P2RX3: variants seen among roughly 807,000 people sequenced by gnomAD.
P2RX3 encodes the protein P2X purinoceptor 3.
In P2RX3, 41 loss-of-function variants were observed where a neutral mutation model predicts 51.5. That is an observed-to-expected ratio of 0.80 (90% CI 0.62 to 1.03). The LOEUF (loss-of-function observed/expected upper bound fraction) is 1.03, where lower values mean the gene tolerates loss of function less well. P2RX3 is among the 50% of genes least tolerant of loss of function. The pLI, the probability that P2RX3 is intolerant of heterozygous loss-of-function variation, is 0.00. For synonymous variants in P2RX3, 185 were observed against 191.6 expected (o/e 0.97, Z 0.29); for missense variants, 459 against 522.1 (o/e 0.88, Z 1.18).
upstream of P2RX3, chr11:57,335,980 G>C (rs1856213076): frequency 6.6e-6 from 1 of 152,290 alleles, no homozygotes; most frequent in South Asian, 2.1e-4. This position sits in a 1 kb window ranked among gnomAD's most constrained non-coding sequence, Gnocchi z 4.6. Context: ...TGAGGGAAGG[G>C]TGGTTGCCGT....
At chr11:57,337,249 G>T (rs573541913), upstream of P2RX3, among the ~76,000 whole-genome samples, 2 of 138,400 alleles carry the variant, frequency 1.4e-5, no homozygotes, top group Non-Finnish European at 3.0e-5. Flanking sequence ...CTGAGATTGT[G>T]CCACTGCACT....
At chr11:57,360,110 T>A (rs1856691303) in intron 8 of P2RX3, among the ~76,000 whole-genome samples, 1 of 152,226 alleles carries the variant, frequency 6.6e-6, no homozygotes, top group East Asian at 1.9e-4. Context: ...TCAGCTGTTG[T>A]GAGGCCTAAA....
chr11:57,366,878 C>A (rs976669518), intron 8 of P2RX3, among the ~76,000 whole-genome samples: 1 of 152,096 alleles, frequency 6.6e-6, no homozygotes, highest in Non-Finnish European at 1.5e-5. Flanking sequence ...ATCCATTAAT[C>A]CATGAATGGA....
intron 8 of P2RX3, among the ~76,000 whole-genome samples, chr11:57,364,546 T>C (rs1856769375): frequency 6.6e-6 from 1 of 152,246 alleles, no homozygotes; most frequent in Admixed American, 6.5e-5. Flanking sequence ...AGTGATGGTC[T>C]ATAAGGACCT....
At position 57,371,928 on chromosome 11, in the gene P2RX3, G is replaced by T. The variant is rs1201632063; in HGVS notation, c.*1931G>T. The stretch of plus-strand genomic sequence containing the variant: ...CCTCCCTTTTACCCAGATGGAGGTG[G>T]TCCTCCTGTAGGTGCCTCCGCCCCT... On this transcript the variant is annotated 3_prime_UTR_variant, in exon 12 of 12. Transcript: ENST00000263314. Among the ~76,000 whole-genome samples, 4 of 151,988 alleles carry T rather than the reference G, an allele frequency of 2.6e-5. No individual in the cohort carries two copies. Among genetic ancestry groups the T allele is most frequent in the Admixed American group, 2.6e-4 (4 of 15,270 alleles).
At chr11:57,355,793 A>G (rs552060892) in intron 8 of P2RX3, among the ~76,000 whole-genome samples, 1 of 152,332 alleles carries the variant, frequency 6.6e-6, no homozygotes, top group Non-Finnish European at 1.5e-5. Flanking sequence ...GGACGGTTTA[A>G]TGAGTTTCTT....
chr11:57,364,170 C>T (rs1033059538), intron 8 of P2RX3, among the ~76,000 whole-genome samples: 8 of 152,180 alleles, frequency 5.3e-5, no homozygotes, highest in Non-Finnish European at 1.2e-4. Context: ...CTCTGTGATC[C>T]ACCCTCTCAC....
chr11:57,337,522 A>G (rs374007081), upstream of P2RX3, among the ~76,000 whole-genome samples: 20 of 152,270 alleles, frequency 1.3e-4, no homozygotes, highest in South Asian at 4.1e-4. Flanking sequence ...CTTTGCAGGG[A>G]CATGGATGAA....
chr11:57,336,284 T>A (rs1265159033), upstream of P2RX3, among the ~76,000 whole-genome samples: 1 of 152,118 alleles, frequency 6.6e-6, no homozygotes, highest in Non-Finnish European at 1.5e-5. Context: ...ATGCGGGTGT[T>A]GGTGTCATCG....
Position 57,350,830 on chromosome 11 carries a change from C to T in P2RX3, c.774C>T (p.Pro258=), listed in dbSNP as rs768462762. Residue 258 remains proline, a synonymous_variant, in exon 8 of 12, where the codon CCC becomes CCT. Coordinates refer to ENST00000263314, the MANE Select transcript of P2RX3 (RefSeq NM_002559.5). ...ACAAGGCCTGGGACCAGTGCATCCCCAAATACTCCTTCACCCGGCTCGACA... is the reference window on the plus strand; with the variant it reads ...ACAAGGCCTGGGACCAGTGCATCCCTAAATACTCCTTCACCCGGCTCGACA... ...DLDKAWDQCI[P]KYSFTRLDSV... is the part of the protein sequence containing the mutation. 4 of 1,614,020 alleles carry T rather than the reference C, an allele frequency of 2.5e-6. No homozygotes were observed. The African/African-American group carries it at 4.0e-5, about 16-fold the overall frequency.
intron 8 of P2RX3, among the ~76,000 whole-genome samples, chr11:57,360,429 ATTAT>A (rs1856696484): frequency 6.6e-6 from 1 of 152,184 alleles, no homozygotes; most frequent in Non-Finnish European, 1.5e-5. Context: ...AATCTCAGAA[ATTAT>A]TTATTCTTCT....
Position 57,370,011 on chromosome 11 carries a change from G to C in P2RX3, c.*14G>C, listed in dbSNP as rs749368522. On this transcript the variant is annotated 3_prime_UTR_variant, in exon 12 of 12. Transcript: ENST00000263314. ...ATAGGCCACTAGGGCCTCTTTCCAG[G>C]GCCCCACACTCACAAAGGCTCCAGG... 6.3e-6 allele frequency: 10 copies of C among 1,582,062 alleles called. No homozygotes were observed. Among genetic ancestry groups the C allele is most frequent in the Non-Finnish European group, 7.8e-6 (9 of 1,152,254 alleles).
chr11:57,347,590 G>A, intron 4 of P2RX3, 112 bp downstream of exon 4: 2 of 1,230,670 alleles, frequency 1.6e-6, no homozygotes, highest in African/African-American at 1.5e-5. Flanking sequence ...TCATTCTGCT[G>A]GCATTTACAG....
At position 57,350,826 on chromosome 11, in the gene P2RX3, T is replaced by A; in HGVS notation, c.770T>A (p.Ile257Asn). ...TTGGACAAGGCCTGGGACCAGTGCATCCCCAAATACTCCTTCACCCGGCTC... is the reference window on the plus strand; with the variant it reads ...TTGGACAAGGCCTGGGACCAGTGCAACCCCAAATACTCCTTCACCCGGCTC... ...CDLDKAWDQC[I>N]PKYSFTRLDS... The change falls in exon 8 of 12, where the codon ATC becomes AAC. Residue 257 changes from isoleucine (I) to asparagine (N), a missense_variant. Transcript: ENST00000263314. 6.2e-7 allele frequency: 1 copy of A among 1,613,946 alleles called. No individual in the cohort carries two copies.
Position 57,348,189 on chromosome 11 carries a change from C to G in P2RX3, c.411C>G (p.Cys137Trp), listed in dbSNP as rs568236673. ...CTTTAGGGATCCTCACTGGCCGCTG[C>G]GTGAACTACAGCTCTGTGCTCCGGA... ...LPGGGILTGR[C>W]VNYSSVLRTC... The change falls in exon 5 of 12, where the codon TGC becomes TGG. Residue 137 changes from cysteine to tryptophan, a missense_variant. By Grantham distance (215) the Cys-to-Trp change is radical (BLOSUM62 -2). Transcript: ENST00000263314. The G allele has an allele frequency of 1.3e-6, 2 of 1,594,034 alleles. No homozygotes were observed. The highest frequency in any genetic ancestry group is 1.7e-6 in the Non-Finnish European group (2 of 1,170,326).
chr11:57,349,996 G>A (rs1376975936), intron 7 of P2RX3, 98 bp downstream of exon 7: 7 of 1,516,110 alleles, frequency 4.6e-6, no homozygotes, highest in Admixed American at 4.0e-5. Context: ...AGGAGCCGCC[G>A]CGAGACAGCG....
At chr11:57,354,864 A>C (rs934301263) in intron 8 of P2RX3, among the ~76,000 whole-genome samples, 1 of 152,228 alleles carries the variant, frequency 6.6e-6, no homozygotes, top group Non-Finnish European at 1.5e-5. Context: ...AGTTTAATAA[A>C]GGGACTGTTT....
chr11:57,347,067 A>G, intron 2 of P2RX3, 49 bp from the exon 3 acceptor site: 4 of 1,529,280 alleles, frequency 2.6e-6, no homozygotes, highest in Non-Finnish European at 2.7e-6. Context: ...TCCCTGTCTC[A>G]CTGATTGGGA....
At chr11:57,363,008 A>G (rs1176486757) in intron 8 of P2RX3, among the ~76,000 whole-genome samples, 1 of 152,196 alleles carries the variant, frequency 6.6e-6, no homozygotes, top group Non-Finnish European at 1.5e-5. Flanking sequence ...CGGACTATAT[A>G]TGGACACTCT....
Sources: allele counts gnomAD v4.1 joint callset (sites outside exome capture counted in the v4.1 genomes callset), GRCh38; gene constraint gnomAD v4.1.1; non-coding constraint Gnocchi (gnomAD v3.1); transcripts MANE v1.5; gene names NCBI Gene and HGNC (gene_info 2026-07-23, HGNC 2026-07-21).